LSAMP: variants seen among roughly 807,000 people sequenced by gnomAD.
LSAMP encodes limbic system associated membrane protein, also known as limbic system-associated membrane protein.
In LSAMP, 7 loss-of-function variants were observed where a neutral mutation model predicts 38.6. The observed-to-expected ratio is 0.18, with a 90% CI of 0.10 to 0.34. The LOEUF is 0.34. LSAMP is among the 10% of genes least tolerant of loss of function. LSAMP has a pLI of 1.00. For missense variants in LSAMP, 313 were observed against 420.0 expected, an observed-to-expected ratio of 0.75 and a Z score of 2.23; for synonymous variants, 154 against 166.8, an observed-to-expected ratio of 0.92 and a Z score of 0.59.
chr3:116,330,581 T>C (rs926625298), intron 1 of LSAMP, among the ~76,000 whole-genome samples: 2 of 152,084 alleles, frequency 1.3e-5, no homozygotes, highest in East Asian at 3.9e-4. Flanking sequence ...TTTTCTTTTT[T>C]TCTCCCTTTT....
intron 1 of LSAMP, among the ~76,000 whole-genome samples, chr3:116,220,388 CACACACAA>C (rs1223758446): frequency 1.3e-5 from 2 of 149,658 alleles, no homozygotes; most frequent in East Asian, 2.0e-4. Context: ...CACACACACA[CACACACAA>C]AAGATACTTC....
At chr3:116,248,213 C>T (rs1460746505) in intron 1 of LSAMP, among the ~76,000 whole-genome samples, 2 of 152,104 alleles carry the variant, frequency 1.3e-5, no homozygotes, top group Non-Finnish European at 2.9e-5. Context: ...GAAGGGCCAT[C>T]CTTCTGGAGA....
chr3:116,442,491 C>A (rs532684579), intron 1 of LSAMP, among the ~76,000 whole-genome samples: 4 of 152,134 alleles, frequency 2.6e-5, no homozygotes, highest in South Asian at 2.1e-4. Context: ...GCCTTATAAG[C>A]AGAAAGCAAG....
intron 1 of LSAMP, among the ~76,000 whole-genome samples, chr3:116,372,215 A>G (rs905775229): frequency 6.6e-6 from 1 of 152,088 alleles, no homozygotes. Context: ...AATAGCATAA[A>G]GACATATATA....
chr3:116,250,180 T>C (rs2107647634), intron 1 of LSAMP, among the ~76,000 whole-genome samples: 1 of 152,350 alleles, frequency 6.6e-6, no homozygotes, highest in East Asian at 1.9e-4. Flanking sequence ...ACAAAACTCA[T>C]GCTATATTTC....
intron 1 of LSAMP, among the ~76,000 whole-genome samples, chr3:116,130,327 A>T (rs915241203): frequency 6.6e-5 from 10 of 152,230 alleles, no homozygotes; most frequent in African/African-American, 2.4e-4. Flanking sequence ...GTATACAAAG[A>T]CAAAGATTAT....
intron 3 of LSAMP, among the ~76,000 whole-genome samples, chr3:115,876,382 T>A (rs1267975308): frequency 6.6e-6 from 1 of 150,444 alleles, no homozygotes; most frequent in Non-Finnish European, 1.5e-5. Flanking sequence ...TTTTACACAC[T>A]CTGACCAGTA....
At chr3:116,057,957 C>CACACACA (rs1553699978) in intron 2 of LSAMP, among the ~76,000 whole-genome samples, 11 of 117,562 alleles carry the variant, frequency 9.4e-5, no homozygotes, top group South Asian at 5.7e-4. Flanking sequence ...ACACACACAC[C>CACACACA]CACACACACA....
At chr3:116,306,093 C>A (rs1393745893) in intron 1 of LSAMP, among the ~76,000 whole-genome samples, 1 of 151,890 alleles carries the variant, frequency 6.6e-6, no homozygotes. Flanking sequence ...TATCACGTAC[C>A]AGGAATTGTG....
intron 3 of LSAMP, among the ~76,000 whole-genome samples, chr3:115,917,458 C>A (rs1937276345): frequency 1.3e-5 from 2 of 152,196 alleles, no homozygotes; most frequent in Admixed American, 1.3e-4. Context: ...TCCATTACCA[C>A]CCCTGATTCC....
At chr3:116,290,835 C>A (rs904507766) in intron 1 of LSAMP, among the ~76,000 whole-genome samples, 1 of 151,496 alleles carries the variant, frequency 6.6e-6, no homozygotes, top group African/African-American at 2.4e-5. Context: ...ATCAATCAGC[C>A]CTATTGTCTG....
intron 1 of LSAMP, among the ~76,000 whole-genome samples, chr3:116,401,978 A>C (rs2048846899): frequency 1.3e-5 from 2 of 152,172 alleles, no homozygotes; most frequent in South Asian, 4.2e-4. Context: ...GAAAATAATT[A>C]AACCACTTGC....
At chr3:116,215,438 T>A (rs1041061647) in intron 1 of LSAMP, among the ~76,000 whole-genome samples, 1 of 152,148 alleles carries the variant, frequency 6.6e-6, no homozygotes. Flanking sequence ...AGGACCTTTT[T>A]TTTTTGGCCC....
At chr3:116,410,165 C>A (rs767267372) in intron 1 of LSAMP, among the ~76,000 whole-genome samples, 8 of 152,038 alleles carry the variant, frequency 5.3e-5, no homozygotes, top group African/African-American at 1.2e-4. Context: ...CTATATAGCA[C>A]CTCAATCACG....
At chr3:115,897,272 C>G (rs1028859785) in intron 3 of LSAMP, among the ~76,000 whole-genome samples, 1 of 152,040 alleles carries the variant, frequency 6.6e-6, no homozygotes, top group Non-Finnish European at 1.5e-5. Context: ...CTATAGCTAA[C>G]TTGGAAGGAG....
At chr3:115,839,262 T>TTTCC (rs1192339424) in intron 6 of LSAMP, among the ~76,000 whole-genome samples, 12,610 of 78,210 alleles carry the variant, frequency 0.16, 936 homozygotes, top group East Asian at 0.25. Flanking sequence ...TCCTTCTTTC[T>TTTCC]TTCCTTCCTT....
intron 1 of LSAMP, among the ~76,000 whole-genome samples, chr3:116,410,650 C>G (rs1374145856): frequency 6.6e-6 from 1 of 152,008 alleles, no homozygotes; most frequent in African/African-American, 2.4e-5. Flanking sequence ...AATGGTTGTC[C>G]TTTGGTTCAT....
chr3:116,138,229 G>A (rs910758068), intron 1 of LSAMP, among the ~76,000 whole-genome samples: 13 of 151,972 alleles, frequency 8.6e-5, no homozygotes, highest in Non-Finnish European at 1.5e-4. Flanking sequence ...AAAATTATGC[G>A]GCTTTTAGTC....
At chr3:116,236,446 A>C (rs1216170147) in intron 1 of LSAMP, among the ~76,000 whole-genome samples, 1 of 152,142 alleles carries the variant, frequency 6.6e-6, no homozygotes, top group African/African-American at 2.4e-5. Context: ...ACAATGAAGA[A>C]AATTATTCTC....
Sources: allele counts gnomAD v4.1 joint callset (sites outside exome capture counted in the v4.1 genomes callset), GRCh38; gene constraint gnomAD v4.1.1; transcripts MANE v1.5; gene names NCBI Gene and HGNC (gene_info 2026-07-23, HGNC 2026-07-21).